COL12A1: variants seen among roughly 807,000 people sequenced by gnomAD.
The protein encoded by COL12A1 is collagen type XII alpha 1 chain.
In COL12A1, 114 loss-of-function variants were observed where a neutral mutation model predicts 349.7. That is an observed-to-expected ratio of 0.33 (90% CI 0.28 to 0.38). COL12A1 has a LOEUF of 0.38. COL12A1 is among the 10% of genes least tolerant of loss of function. COL12A1 has a pLI of 1.00. For synonymous variants in COL12A1, 1,369 were observed against 1,329.0 expected (o/e 1.03, Z -0.66); for missense variants, 3,284 against 3,756.9 (o/e 0.87, Z 3.29).
intron 13 of COL12A1, among the ~76,000 whole-genome samples, chr6:75,169,678 T>G (rs962396248): frequency 6.6e-6 from 1 of 152,222 alleles, no homozygotes; most frequent in Non-Finnish European, 1.5e-5. Flanking sequence ...GTTCTCTCTA[T>G]TAATTTTATC....
At chr6:75,203,220 G>A (rs1770619059) in intron 1 of COL12A1, among the ~76,000 whole-genome samples, 1 of 152,088 alleles carries the variant, frequency 6.6e-6, no homozygotes, top group Non-Finnish European at 1.5e-5. Flanking sequence ...TTTCCTAGCT[G>A]ATGAACTCTT....
Position 75,126,389 on chromosome 6 carries a change from G to T in COL12A1, c.6422C>A (p.Ser2141Tyr). Residue 2141 changes from serine to tyrosine, a missense_variant, in exon 39 of 66, where the codon TCT becomes TAT. Physicochemically the swap from Ser to Tyr is moderately radical, Grantham distance 144. Transcript: ENST00000322507. ...RFRVSWDPSP[S>Y]PVLGYKIVYK... ...TACTATTTTATATCCAAGAACTGGA[G>T]AAGGTGAAGGATCCCAGGACACCCT... The T allele has an allele frequency of 6.2e-7, 1 of 1,611,476 alleles. No individual in the cohort carries two copies. The highest frequency in any genetic ancestry group is 1.1e-5 in the South Asian group (1 of 91,012).
intron 43 of COL12A1, 41 bp downstream of exon 43, chr6:75,123,289 T>C: frequency 6.6e-7 from 1 of 1,519,932 alleles, no homozygotes; most frequent in Non-Finnish European, 9.1e-7. Flanking sequence ...AGTCTGTAAC[T>C]CCCTATCAGC....
At chr6:75,201,758 G>T (rs1206394926) in intron 2 of COL12A1, among the ~76,000 whole-genome samples, 1 of 152,188 alleles carries the variant, frequency 6.6e-6, no homozygotes, top group African/African-American at 2.4e-5. Flanking sequence ...TATTGAAATG[G>T]CTTGTTTAAT....
At chr6:75,155,135 T>C (rs569988433) in intron 16 of COL12A1, among the ~76,000 whole-genome samples, 1 of 152,294 alleles carries the variant, frequency 6.6e-6, no homozygotes, top group East Asian at 1.9e-4. Context: ...GAAACTTCCT[T>C]GTTTTTCACT....
Position 75,088,834 on chromosome 6 carries a change from A to G in COL12A1, c.9010+272T>C, listed in dbSNP as rs532873843. ...GCTAACACGGCAAAACCCCGTCTCTACTAAAAATTAAAAAAAATTAGCCAG... is the reference window on the plus strand; with the variant it reads ...GCTAACACGGCAAAACCCCGTCTCTGCTAAAAATTAAAAAAAATTAGCCAG... On this transcript the variant is annotated intron_variant, in intron 64 of 65. Transcript: ENST00000322507. Among the ~76,000 whole-genome samples the G allele has an allele frequency of 5.3e-5, 8 of 151,980 alleles. No homozygotes were observed. The South Asian group carries it at 1.5e-3, about 28-fold the overall frequency.
chr6:75,116,767 C>T lies in COL12A1; in HGVS notation c.7519+615G>A, dbSNP rs73462074. On this transcript the variant is annotated intron_variant, in intron 47 of 65. Coordinates refer to ENST00000322507, the MANE Select transcript of COL12A1 (RefSeq NM_004370.6). ...CAGGGGTCTGGACTAGCCACAGACC[C>T]CTGATCAATTATGTAGGATAAATTG... Among the ~76,000 whole-genome samples the T allele has an allele frequency of 4.5e-3, 686 of 152,076 alleles. 12 individuals carry two copies. Among genetic ancestry groups the T allele is most frequent in the African/African-American group, 0.016 (657 of 41,472 alleles).
intron 13 of COL12A1, among the ~76,000 whole-genome samples, chr6:75,171,943 A>G (rs1028133621): frequency 1.4e-4 from 22 of 152,392 alleles, no homozygotes; most frequent in African/African-American, 4.8e-4. Context: ...GCAGTAAAGC[A>G]CTTTAGCATA....
In COL12A1 at chr6:75,192,238, C is replaced by T. The variant is rs1412411268; in HGVS notation, c.308G>A (p.Ser103Asn). Reference sequence around the variant, plus strand: ...TGTTAGTTGTCCTATAACTGGTACACTTTCTTCTACTTCATCATATGAAGT... The same window carrying T: ...TGTTAGTTGTCCTATAACTGGTACATTTTCTTCTACTTCATCATATGAAGT... ...TITSYDEVEE[S>N]VPVIGQLTIQ... Residue 103 changes from serine (S) to asparagine (N), a missense_variant, in exon 4 of 66, where the codon AGT (serine) becomes AAT (asparagine). Transcript: ENST00000322507. 6.2e-7 allele frequency: 1 copy of T among 1,604,966 alleles called. No homozygotes were observed. Among genetic ancestry groups the T allele is most frequent in the South Asian group, 1.1e-5 (1 of 89,674 alleles).
Position 75,156,372 on chromosome 6 carries a change from G to C in COL12A1, c.3135C>G (p.Pro1045=). 1 of 1,613,896 alleles carries C rather than the reference G, an allele frequency of 6.2e-7. No individual in the cohort carries two copies. Among genetic ancestry groups the C allele is most frequent in the Non-Finnish European group, 8.5e-7 (1 of 1,179,874 alleles). ...RGKQMVAKVP[P]TVTSTVLKRL... is the part of the protein sequence containing the mutation. The stretch of plus-strand genomic sequence containing the variant: ...GCTTTAACACTGTCGAAGTGACTGT[G>C]GGGGGCACCTTAGCAACCATTTGCT... The change falls in exon 15 of 66, where the codon CCC becomes CCG. Residue 1045 remains proline, a synonymous_variant. Coordinates refer to ENST00000322507, the MANE Select transcript of COL12A1 (RefSeq NM_004370.6).
intron 4 of COL12A1, 74 bp from the exon 5 acceptor site, chr6:75,191,834 T>A: frequency 1.1e-6 from 1 of 926,874 alleles, no homozygotes; most frequent in Non-Finnish European, 1.5e-6. Context: ...AATAAATATA[T>A]TATATTAGTT....
chr6:75,122,794 G>C (rs1408323563), intron 43 of COL12A1, among the ~76,000 whole-genome samples: 1 of 152,218 alleles, frequency 6.6e-6, no homozygotes, highest in Non-Finnish European at 1.5e-5. Flanking sequence ...AAGTGCTAGA[G>C]AATTGCCCTC....
Position 75,146,171 on chromosome 6 carries a change from C to T in COL12A1, c.4491G>A (p.Val1497=). The part of the protein sequence containing the change: ...PTTMHVQWQP[V]GGATGYILSY... ...ACAAGATGTAGCCAGTAGCTCCTCC[C>T]ACAGGCTGCCACTGCACATGCATGG... Residue 1497 remains valine, a synonymous_variant, in exon 24 of 66, where the codon GTG becomes GTA. Transcript: ENST00000322507. The T allele has an allele frequency of 6.2e-7, 1 of 1,613,654 alleles. No individual in the cohort carries two copies. Among genetic ancestry groups the T allele is most frequent in the South Asian group, 1.1e-5 (1 of 91,010 alleles).
chr6:75,156,636 T>C, intron 14 of COL12A1, 113 bp from the exon 15 acceptor site: 1 of 962,646 alleles, frequency 1.0e-6, no homozygotes, highest in Non-Finnish European at 1.5e-6. Flanking sequence ...TGTACACTGT[T>C]CCATTGCTTA....
At chr6:75,145,692 C>T (rs868472377) in intron 24 of COL12A1, among the ~76,000 whole-genome samples, 3 of 146,420 alleles carry the variant, frequency 2.0e-5, no homozygotes, top group South Asian at 2.2e-4. Flanking sequence ...AGTGCAGTGG[C>T]TCAATCTCAA....
intron 53 of COL12A1, among the ~76,000 whole-genome samples, chr6:75,105,986 C>T (rs993025858): frequency 2.0e-5 from 3 of 152,162 alleles, no homozygotes; most frequent in South Asian, 2.1e-4. Flanking sequence ...CAACGTTCAA[C>T]TTTGTAACTA....
rs1332779 is a variant in COL12A1, at chr6:75,138,968, T to G, written c.4958-7A>C. 1.3e-4 allele frequency: 212 copies of G among 1,612,862 alleles called. No homozygotes were observed. In the African/African-American group the frequency reaches 2.3e-3, roughly 17 times the overall value. ...GTTGGGGCTGGCACGGGTCCTATCATGAGAAAAGGCAAGCAGACTAAGTTT... is the reference window on the plus strand; with the variant it reads ...GTTGGGGCTGGCACGGGTCCTATCAGGAGAAAAGGCAAGCAGACTAAGTTT... On this transcript the variant is annotated splice_polypyrimidine_tract_variant and splice_region_variant and intron_variant, in intron 27 of 65. Transcript: ENST00000322507.
intron 13 of COL12A1, among the ~76,000 whole-genome samples, chr6:75,167,349 C>T (rs1479558220): frequency 6.6e-6 from 1 of 152,026 alleles, no homozygotes; most frequent in African/African-American, 2.4e-5. Context: ...TGTGCCTTTT[C>T]CTCTAAATTT....
At chr6:75,117,817 G>T (rs116786221) in intron 46 of COL12A1, 1 of 323,096 alleles carries the variant, frequency 3.1e-6, no homozygotes, top group Non-Finnish European at 5.9e-6. Flanking sequence ...GACTTCATGT[G>T]GTGCACACTG....
Sources: allele counts gnomAD v4.1 joint callset (sites outside exome capture counted in the v4.1 genomes callset), GRCh38; gene constraint gnomAD v4.1.1; transcripts MANE v1.5; gene names NCBI Gene and HGNC (gene_info 2026-07-23, HGNC 2026-07-21).